PRKG1: variants seen among roughly 807,000 people sequenced by gnomAD.
PRKG1 encodes cGMP-dependent protein kinase 1.
In PRKG1, 35 loss-of-function variants were observed where a neutral mutation model predicts 88.1. The observed-to-expected ratio is 0.40, with a 90% CI of 0.30 to 0.53. The LOEUF is 0.53. Among genes scored for constraint, PRKG1 ranks in the 20% least tolerant of loss-of-function variants. The probability of loss-of-function intolerance (pLI) is 0.59; values close to 1 mark genes in which losing one functional copy is unlikely to be tolerated. For missense variants in PRKG1, 540 were observed against 839.8 expected, an observed-to-expected ratio of 0.64 and a Z score of 4.41; for synonymous variants, 303 against 292.5, an observed-to-expected ratio of 1.04 and a Z score of -0.37.
At chr10:52,220,440 G>A (rs944293551) in intron 9 of PRKG1, among the ~76,000 whole-genome samples, 1 of 151,702 alleles carries the variant, frequency 6.6e-6, no homozygotes. Flanking sequence ...TGTAAGTTCA[G>A]GGGTGCATGT....
intron 2 of PRKG1, among the ~76,000 whole-genome samples, chr10:51,337,449 G>C (rs375675409): frequency 1.3e-5 from 2 of 152,044 alleles, no homozygotes; most frequent in South Asian, 4.2e-4. Flanking sequence ...CACAGCAAAA[G>C]AAATTATCAT....
At chr10:51,171,883 A>T (rs904820126) in intron 2 of PRKG1, among the ~76,000 whole-genome samples, 2 of 152,078 alleles carry the variant, frequency 1.3e-5, no homozygotes, top group Non-Finnish European at 1.5e-5. Flanking sequence ...TGGAACAGAA[A>T]TTGTTTTATA....
intron 2 of PRKG1, among the ~76,000 whole-genome samples, chr10:51,174,424 A>G (rs553253243): frequency 6.6e-6 from 1 of 152,158 alleles, no homozygotes; most frequent in South Asian, 2.1e-4. Flanking sequence ...TCATCTCCTT[A>G]CAATGTCTAT....
At chr10:52,174,979 T>C (rs1251703044) in intron 9 of PRKG1, among the ~76,000 whole-genome samples, 2 of 152,026 alleles carry the variant, frequency 1.3e-5, no homozygotes, top group Non-Finnish European at 2.9e-5. Context: ...ATCTCAAACA[T>C]TTATGATTTC....
chr10:51,675,774 A>G (rs1840695680), intron 3 of PRKG1, among the ~76,000 whole-genome samples: 1 of 152,138 alleles, frequency 6.6e-6, no homozygotes, highest in Non-Finnish European at 1.5e-5. Context: ...TAATATTCCT[A>G]AAGACTTTAA....
chr10:51,621,549 C>T (rs965620579), intron 3 of PRKG1, among the ~76,000 whole-genome samples: 3 of 152,158 alleles, frequency 2.0e-5, no homozygotes, highest in African/African-American at 7.2e-5. Flanking sequence ...TTTGGCTGCT[C>T]AGTGTCCATG....
chr10:51,183,503 G>A (rs1191949511), intron 2 of PRKG1, among the ~76,000 whole-genome samples: 2 of 152,042 alleles, frequency 1.3e-5, no homozygotes, highest in Non-Finnish European at 2.9e-5. Flanking sequence ...ACCATTTATT[G>A]CACGTGGTCA....
At chr10:51,263,359 G>GTTTT (rs1839761394) in intron 2 of PRKG1, among the ~76,000 whole-genome samples, 1 of 152,056 alleles carries the variant, frequency 6.6e-6, no homozygotes, top group African/African-American at 2.4e-5. Flanking sequence ...TTGTTTGTTT[G>GTTTT]TTTGTTTTTT....
At chr10:51,425,708 A>C (rs1367245932) in intron 2 of PRKG1, among the ~76,000 whole-genome samples, 2 of 152,150 alleles carry the variant, frequency 1.3e-5, no homozygotes, top group African/African-American at 4.8e-5. Flanking sequence ...CGTGGTTCAA[A>C]AGGCTTTCTG....
At chr10:51,472,396 A>AT (rs1375889106) in intron 3 of PRKG1, among the ~76,000 whole-genome samples, 4 of 151,958 alleles carry the variant, frequency 2.6e-5, no homozygotes, top group South Asian at 2.1e-4. Flanking sequence ...ATTCAACTGA[A>AT]TTTTTTGCTG....
chr10:51,932,617 C>G (rs975807411), intron 5 of PRKG1, among the ~76,000 whole-genome samples: 3 of 152,116 alleles, frequency 2.0e-5, no homozygotes, highest in Admixed American at 6.6e-5. Flanking sequence ...AGGGACCAAG[C>G]GTGGGGTTTC....
intron 1 of PRKG1, among the ~76,000 whole-genome samples, chr10:51,084,195 G>T (rs1043514610): frequency 5.3e-5 from 8 of 152,184 alleles, no homozygotes; most frequent in South Asian, 2.1e-4. Flanking sequence ...TATGAATCCA[G>T]CTTCATGGAG....
Position 51,703,248 on chromosome 10 carries a change from A to G in PRKG1, c.593-101337A>G, listed in dbSNP as rs190907387. The stretch of plus-strand genomic sequence containing the variant: ...GGAATTTTTTAAAAAAAGATTCACT[A>G]TAGAGTGTAAGGAAAAAAGAAAAGA... On this transcript the variant is annotated intron_variant, in intron 3 of 17. Transcript: ENST00000373980. 5.6e-3 allele frequency among the ~76,000 whole-genome samples: 846 copies of G among 152,306 alleles called. 4 individuals carry two copies. Among genetic ancestry groups the G allele is most frequent in the Non-Finnish European group, 8.9e-3 (605 of 68,024 alleles).
In PRKG1 at chr10:52,067,513, A is replaced by G. The variant is rs796691385; in HGVS notation, c.935+4882A>G. Among the ~76,000 whole-genome samples the G allele has an allele frequency of 6.9e-4, 105 of 152,320 alleles. 1 individual carries two copies. The highest frequency in any genetic ancestry group is 2.3e-3 in the African/African-American group (94 of 41,584). ...CACCCTTTCTCCAGAACTCAGCCTC[A>G]TGACTACTATCTAGTTCTGCCTCTA... On this transcript the variant is annotated intron_variant, in intron 7 of 17. Coordinates refer to ENST00000373980, the MANE Select transcript of PRKG1 (RefSeq NM_006258.4).
At chr10:51,683,246 G>A (rs570465080) in intron 3 of PRKG1, among the ~76,000 whole-genome samples, 2 of 152,248 alleles carry the variant, frequency 1.3e-5, no homozygotes, top group Admixed American at 6.5e-5. Context: ...ACTTTGGGAG[G>A]CCAAGGCGGA....
At chr10:51,221,442 CTT>C (rs2132091227) in intron 2 of PRKG1, among the ~76,000 whole-genome samples, 1 of 152,108 alleles carries the variant, frequency 6.6e-6, no homozygotes, top group South Asian at 2.1e-4. Context: ...CTAAATCTCT[CTT>C]TGTATAAGTT....
chr10:50,994,988 AC>A (rs1393758047), intron 1 of PRKG1, among the ~76,000 whole-genome samples: 1 of 152,208 alleles, frequency 6.6e-6, no homozygotes, highest in African/African-American at 2.4e-5. Context: ...CAAATACTAC[AC>A]CATTTTATAT....
At chr10:51,412,617 CTGAG>C (rs2132690715) in intron 2 of PRKG1, among the ~76,000 whole-genome samples, 1 of 152,100 alleles carries the variant, frequency 6.6e-6, no homozygotes, top group East Asian at 1.9e-4. Flanking sequence ...GCACTCCAGC[CTGAG>C]TGACAGAGCA....
intron 4 of PRKG1, among the ~76,000 whole-genome samples, chr10:51,813,921 T>C (rs1251784208): frequency 6.6e-6 from 1 of 152,192 alleles, no homozygotes; most frequent in Non-Finnish European, 1.5e-5. Flanking sequence ...GCTATCACTT[T>C]AAACAAGTGA....
Sources: gnomAD v4.1 joint callset for allele counts (sites outside exome capture counted in the v4.1 genomes callset) on GRCh38, gnomAD v4.1.1 for gene constraint, MANE v1.5 for transcripts, NCBI Gene and HGNC (gene_info 2026-07-23, HGNC 2026-07-21) for gene names.